Variants in ASPG observed in about 807,000 individuals in gnomAD.
ASPG encodes asparaginase.
ASPG carries 53 observed loss-of-function variants against 63.2 expected under a neutral mutation model. The ratio of observed to expected loss-of-function variants is 0.84; its 90% CI spans 0.67 to 1.05. The LOEUF (loss-of-function observed/expected upper bound fraction) is 1.05. ASPG is among the 50% of genes least tolerant of loss of function. ASPG has a pLI of 0.00. For synonymous variants in ASPG, 370 were observed against 355.0 expected (o/e 1.04, Z -0.48); for missense variants, 741 against 794.4 (o/e 0.93, Z 0.81).
intron 13 of ASPG, chr14:104,111,120 T>TGCATATGTGTGTGCAAAGGCGCATGTGC (rs2037365695): frequency 1.0e-6 from 1 of 985,180 alleles, no homozygotes. Flanking sequence ...CAGGTGGGCG[T>TGCATATGTGTGTGCAAAGGCGCATGTGC]GCATATGTGT....
At chr14:104,090,517 A>G (rs1269393053) in intron 1 of ASPG, among the ~76,000 whole-genome samples, 1 of 152,238 alleles carries the variant, frequency 6.6e-6, no homozygotes, top group Non-Finnish European at 1.5e-5. Flanking sequence ...GGCTGAGCCA[A>G]GGTGCTGCAG....
intron 3 of ASPG, among the ~76,000 whole-genome samples, chr14:104,095,294 G>C (rs760433544): frequency 1.3e-5 from 2 of 152,198 alleles, no homozygotes; most frequent in African/African-American, 2.4e-5. Context: ...TCTGAGGGGA[G>C]CCTCAGCGTG....
chr14:104,089,338 AC>A (rs1293206262), intron 1 of ASPG, among the ~76,000 whole-genome samples: 1 of 151,580 alleles, frequency 6.6e-6, no homozygotes, highest in African/African-American at 2.4e-5. Flanking sequence ...ACATGGTGAA[AC>A]CCTGTCTCTA....
At position 104,111,096 on chromosome 14, in the gene ASPG, C is replaced by T. The variant is rs559299492; in HGVS notation, c.1521-406C>T. On this transcript the variant is annotated intron_variant, in intron 13 of 15. Transcript: ENST00000551177. ...GGTGTGTTGTGTAACACGAAACTGG[C>T]GTGGGCTGCTCGGCAGGTGGGCGTG... 23 of 985,414 alleles carry T rather than the reference C, an allele frequency of 2.3e-5. No homozygotes were observed. In the African/African-American group the frequency reaches 2.6e-4, roughly 11 times the overall value. The allele number at this position is 985,414 out of a possible 1,614,324, so 61.0% of individuals were successfully genotyped here.
chr14:104,106,495 G>T (rs991732766), intron 10 of ASPG, among the ~76,000 whole-genome samples: 6 of 152,130 alleles, frequency 3.9e-5, no homozygotes, highest in Admixed American at 1.3e-4. Flanking sequence ...AGCAGACGGG[G>T]GAGTCTGGGA....
chr14:104,101,551 C>T (rs181831924), intron 6 of ASPG, among the ~76,000 whole-genome samples: 22 of 152,224 alleles, frequency 1.4e-4, no homozygotes, highest in African/African-American at 5.3e-4. Context: ...ACACTGTCAC[C>T]CCCAGGCAAA....
chr14:104,100,803 T>C (rs1357022058), intron 6 of ASPG, among the ~76,000 whole-genome samples: 2 of 152,138 alleles, frequency 1.3e-5, no homozygotes, highest in Non-Finnish European at 2.9e-5. Flanking sequence ...TGCTTGCCCA[T>C]GCTGGATGCT....
chr14:104,086,840 C>T (rs1002285304), intron 1 of ASPG, among the ~76,000 whole-genome samples: 4 of 152,100 alleles, frequency 2.6e-5, no homozygotes, highest in Admixed American at 1.3e-4. Flanking sequence ...TTGTGTCCAG[C>T]GCAGCTCTCT....
At chr14:104,107,674 G>A (rs1433273745) in intron 12 of ASPG, among the ~76,000 whole-genome samples, 1 of 152,220 alleles carries the variant, frequency 6.6e-6, no homozygotes, top group East Asian at 1.9e-4. Context: ...CAGATCTGGG[G>A]CTGTGACAGG....
intron 1 of ASPG, among the ~76,000 whole-genome samples, chr14:104,092,262 A>C (rs1042240518): frequency 1.3e-5 from 2 of 152,170 alleles, no homozygotes; most frequent in African/African-American, 2.4e-5. Context: ...CAGTATATCC[A>C]CAGTGAGGCA....
intron 11 of ASPG, 72 bp downstream of exon 11, chr14:104,106,966 G>A: frequency 6.9e-7 from 1 of 1,458,300 alleles, no homozygotes; most frequent in Non-Finnish European, 9.3e-7. Context: ...CTGTAGGCAG[G>A]ACGGCCTTTC....
At chr14:104,098,663 G>T (rs527295081) in intron 5 of ASPG, among the ~76,000 whole-genome samples, 190 bp from the exon 6 acceptor site, 58 of 152,126 alleles carry the variant, frequency 3.8e-4, no homozygotes, top group Admixed American at 7.2e-4. Flanking sequence ...CGGGTAGGTG[G>T]CAGGGCAGGA....
In ASPG at chr14:104,112,753, G is replaced by C; in HGVS notation, c.*209G>C. 3.4e-6 allele frequency: 4 copies of C among 1,189,628 alleles called. No individual in the cohort carries two copies. Among genetic ancestry groups the C allele is most frequent in the Non-Finnish European group, 4.6e-6 (4 of 861,586 alleles). The allele number at this position is 1,189,628 out of a possible 1,614,324, so 73.7% of individuals were successfully genotyped here. On this transcript the variant is annotated 3_prime_UTR_variant, in exon 16 of 16. Transcript: ENST00000551177. Reference sequence around the variant, plus strand: ...GCTCTGAGAGGCTCTGTCTGGGTCCGGGACTGTGGATGTGTGTGGGGAGTC... The same window carrying C: ...GCTCTGAGAGGCTCTGTCTGGGTCCCGGACTGTGGATGTGTGTGGGGAGTC...
At position 104,113,704 on chromosome 14, in the gene ASPG, G is replaced by A. The variant is rs1320278223; in HGVS notation, c.*1160G>A. The A allele has an allele frequency of 6.6e-6, 1 of 152,396 alleles. No individual in the cohort carries two copies. Among genetic ancestry groups the A allele is most frequent in the Non-Finnish European group, 1.5e-5 (1 of 68,156 alleles). 9.4% of individuals were successfully genotyped at this position (152,396 alleles called of 1,614,324 possible). ...ACCTGGGCATACCCCAGGCTCCTCA[G>A]CCTGGTTCCCAAGCCTGGCTGGTAC... On this transcript the variant is annotated 3_prime_UTR_variant, in exon 16 of 16. Coordinates refer to ENST00000551177, the MANE Select transcript of ASPG (RefSeq NM_001080464.3).
At chr14:104,102,921 A>AG (rs2036943840) in intron 6 of ASPG, among the ~76,000 whole-genome samples, 1 of 151,952 alleles carries the variant, frequency 6.6e-6, no homozygotes, top group African/African-American at 2.4e-5. Context: ...GGGTGTGGGG[A>AG]GGGGGTGATG....
Position 104,109,431 on chromosome 14 carries a change from G to A in ASPG, c.1520+116G>A, listed in dbSNP as rs1217404617. On this transcript the variant is annotated intron_variant, in intron 13 of 15. Transcript: ENST00000551177. The surrounding 1 kb of genome is among the most constrained non-coding windows in gnomAD (Gnocchi z 4.8). ...TCAGGGTGTGGGGGCTTTCAGAGGC[G>A]AGGCCCGCTGACCTCAGTGTGCACC... 32 of 1,164,520 alleles carry A rather than the reference G, an allele frequency of 2.7e-5. No individual in the cohort carries two copies. The highest frequency in any genetic ancestry group is 3.7e-5 in the Non-Finnish European group (31 of 838,494). The allele number at this position is 1,164,520 out of a possible 1,614,324, so 72.1% of individuals were successfully genotyped here.
rs1299658621 is a variant in ASPG, at chr14:104,112,018, G to C, written c.1701+18G>C. The C allele has an allele frequency of 6.5e-7, 1 of 1,549,214 alleles. No individual in the cohort carries two copies. The highest frequency in any genetic ancestry group is 8.7e-7 in the Non-Finnish European group (1 of 1,145,936). The stretch of plus-strand genomic sequence containing the variant: ...CATGCCCAGTAAGTCCCCACCCCAG[G>C]CGGGGCTGACACCCCCCAGTGAGCT... On this transcript the variant is annotated intron_variant, in intron 15 of 15. Coordinates refer to ENST00000551177, the MANE Select transcript of ASPG (RefSeq NM_001080464.3).
chr14:104,105,204 C>T, intron 9 of ASPG, 124 bp from the exon 10 acceptor site: 1 of 1,473,780 alleles, frequency 6.8e-7, no homozygotes, highest in Non-Finnish European at 9.4e-7. Flanking sequence ...GGATGAAGCA[C>T]ACACGGCCGA....
At chr14:104,111,092 C>T in intron 13 of ASPG, 11 of 985,418 alleles carry the variant, frequency 1.1e-5, no homozygotes, top group Non-Finnish European at 1.3e-5. Context: ...TAACACGAAA[C>T]TGGCGTGGGC....
Sources: allele counts gnomAD v4.1 joint callset (sites outside exome capture counted in the v4.1 genomes callset), GRCh38; gene constraint gnomAD v4.1.1; non-coding constraint Gnocchi (gnomAD v3.1); transcripts MANE v1.5; gene names NCBI Gene and HGNC (gene_info 2026-07-23, HGNC 2026-07-21).